RAD50: variants seen among roughly 807,000 people sequenced by gnomAD.
RAD50 encodes RAD50 double strand break repair protein.
A neutral mutation model predicts 168.8 loss-of-function variants in RAD50; 132 were observed. The observed-to-expected ratio is 0.78, with a 90% confidence interval of 0.68 to 0.90. RAD50 has a LOEUF of 0.90. RAD50 is among the 40% of genes least tolerant of loss of function. The probability of loss-of-function intolerance (pLI) is 0.00; values close to 1 mark genes in which losing one functional copy is unlikely to be tolerated. For missense variants in RAD50, 1,347 were observed against 1,534.4 expected (o/e 0.88, Z 2.04); for synonymous variants, 525 against 497.4 (o/e 1.06, Z -0.74).
rs1349388928 is a variant in RAD50, at chr5:132,642,637, T to A, written c.*273T>A. 3 of 507,834 alleles carry A rather than the reference T, an allele frequency of 5.9e-6. No individual in the cohort carries two copies. The highest frequency in any genetic ancestry group is 1.1e-5 in the Non-Finnish European group (3 of 282,074). The allele number at this position is 507,834 out of a possible 1,614,324, so 31.5% of individuals were successfully genotyped here. The stretch of plus-strand genomic sequence containing the variant: ...TTCAGCAGTACAGCCGAGACTCGAC[T>A]CTGTGCCTCCCTCCCCAGTGCAAAT... On this transcript the variant is annotated 3_prime_UTR_variant, in exon 25 of 25. Coordinates refer to ENST00000378823, the MANE Select transcript of RAD50 (RefSeq NM_005732.4).
Position 132,587,627 on chromosome 5 carries a change from C to G in RAD50, c.822C>G (p.Ala274=), listed in dbSNP as rs876660799. 1 of 1,613,488 alleles carries G rather than the reference C, an allele frequency of 6.2e-7. No homozygotes were observed. Among genetic ancestry groups the G allele is most frequent in the Non-Finnish European group, 8.5e-7 (1 of 1,179,848 alleles). The change falls in exon 6 of 25, where the codon GCC becomes GCG. Residue 274 remains alanine (A), a synonymous_variant. Coordinates refer to ENST00000378823, the MANE Select transcript of RAD50 (RefSeq NM_005732.4). ...TGAAACTTGACAATGAAATTAAAGC[C>G]TTGGATAGCCGAAAGAAGCAAATGG... ...KIMKLDNEIK[A]LDSRKKQMEK...
rs901214296 is a variant in RAD50 at position 132,643,092 on chromosome 5, C to G, written c.*728C>G. ...TTTGGAAAGCTCTGACCACTTGAGG[C>G]CTGATCTGCCCATCGTGAAGAAGCC... On this transcript the variant is annotated 3_prime_UTR_variant, in exon 25 of 25. Coordinates refer to ENST00000378823, the MANE Select transcript of RAD50 (RefSeq NM_005732.4). 5.7e-6 allele frequency: 3 copies of G among 529,024 alleles called. No homozygotes were observed. The highest frequency in any genetic ancestry group is 1.1e-5 in the Non-Finnish European group (3 of 262,368). The allele number at this position is 529,024 out of a possible 1,614,324, so 32.8% of individuals were successfully genotyped here. A position where few individuals can be genotyped will look rare whatever the true frequency, so the allele number is the denominator to read the frequency against.
At chr5:132,598,192 C>T (rs187333944) in intron 13 of RAD50, among the ~76,000 whole-genome samples, 14 of 152,046 alleles carry the variant, frequency 9.2e-5, no homozygotes, top group East Asian at 1.9e-4. Flanking sequence ...GGATTACAGG[C>T]GCACGTCACC....
chr5:132,580,988 A>T (rs1296237531), intron 5 of RAD50, among the ~76,000 whole-genome samples: 2 of 152,194 alleles, frequency 1.3e-5, no homozygotes, highest in Non-Finnish European at 2.9e-5. Flanking sequence ...ATGGCCATGC[A>T]TAGAAATATA....
At chr5:132,601,699 C>T (rs1330632119) in intron 13 of RAD50, among the ~76,000 whole-genome samples, 1 of 152,066 alleles carries the variant, frequency 6.6e-6, no homozygotes, top group Admixed American at 6.5e-5. Flanking sequence ...CGGCACTGTT[C>T]ACGATAGCAA....
chr5:132,614,893 A>G lies in RAD50; in HGVS notation c.3037-1110A>G, dbSNP rs561048535. 2.0e-5 allele frequency among the ~76,000 whole-genome samples: 3 copies of G among 152,244 alleles called. No homozygotes were observed. The South Asian group carries it at 6.2e-4, about 32-fold the overall frequency. On this transcript the variant is annotated intron_variant, in intron 19 of 24. Transcript: ENST00000378823. ...GCAGGATTGGATATGAACATTAAGC[A>G]TGTGAGAGAAATCCTTGATTTCCCT...
In RAD50 at chr5:132,645,678, G is replaced by GT. The variant is rs1751834018; in HGVS notation, c.*3315dup. The GT allele has an allele frequency of 6.6e-6, 1 of 152,224 alleles. No individual in the cohort carries two copies. The highest frequency in any genetic ancestry group is 1.5e-5 in the Non-Finnish European group (1 of 68,042). 9.4% of individuals were successfully genotyped at this position (152,224 alleles called of 1,614,324 possible). A position where few individuals can be genotyped will look rare whatever the true frequency, so the allele number is the denominator to read the frequency against. ...AAAGTTTACTATTAAGCCAGCTACG[G>GT]TAAGTGGGCAATTAGAGTTTGGTGC... On this transcript the variant is annotated 3_prime_UTR_variant, in exon 25 of 25. Coordinates refer to ENST00000378823, the MANE Select transcript of RAD50 (RefSeq NM_005732.4).
intron 16 of RAD50, among the ~76,000 whole-genome samples, chr5:132,606,859 A>T (rs533305622): frequency 2.0e-5 from 3 of 152,204 alleles, no homozygotes; most frequent in Non-Finnish European, 4.4e-5. Flanking sequence ...ACAGAACCAA[A>T]GACAAAAACC....
At chr5:132,635,726 G>A (rs904488699) in intron 21 of RAD50, among the ~76,000 whole-genome samples, 5 of 152,084 alleles carry the variant, frequency 3.3e-5, no homozygotes, top group African/African-American at 9.7e-5. Flanking sequence ...TTTTTTTAAT[G>A]TCATTTGAAA....
chr5:132,561,280 T>C (rs945340802), intron 2 of RAD50, among the ~76,000 whole-genome samples: 19 of 152,232 alleles, frequency 1.2e-4, no homozygotes, highest in Middle Eastern at 3.4e-3. Context: ...CTGCAACCTC[T>C]GTCTCTCAGG....
chr5:132,592,725 C>T, intron 11 of RAD50: 1 of 431,590 alleles, frequency 2.3e-6, no homozygotes, highest in Non-Finnish European at 4.9e-6. Context: ...CCACTTCCAC[C>T]ACTTGTTAGC....
At chr5:132,570,528 T>G (rs1365663881) in intron 2 of RAD50, among the ~76,000 whole-genome samples, 4 of 152,252 alleles carry the variant, frequency 2.6e-5, no homozygotes, top group Admixed American at 1.3e-4. Flanking sequence ...TTTTATGTTG[T>G]GGAGACAGCT....
chr5:132,592,698 C>T (rs1750724989), intron 11 of RAD50: 1 of 388,664 alleles, frequency 2.6e-6, no homozygotes, highest in Non-Finnish European at 5.4e-6. Context: ...ATCTGGTCTG[C>T]TTTTGCTTTG....
chr5:132,565,374 A>G (rs1342616455), intron 2 of RAD50, among the ~76,000 whole-genome samples: 2 of 152,038 alleles, frequency 1.3e-5, no homozygotes, highest in Non-Finnish European at 2.9e-5. Context: ...CCTGTATGTA[A>G]TCAATGTCTC....
intron 21 of RAD50, among the ~76,000 whole-genome samples, chr5:132,631,450 AATC>A (rs1404032246): frequency 1.3e-5 from 2 of 152,128 alleles, no homozygotes; most frequent in Non-Finnish European, 2.9e-5. Flanking sequence ...TTCACAAAGA[AATC>A]ATACTACTTC....
chr5:132,600,311 GA>G (rs1394342004), intron 13 of RAD50, among the ~76,000 whole-genome samples: 1 of 152,184 alleles, frequency 6.6e-6, no homozygotes, highest in Non-Finnish European at 1.5e-5. Flanking sequence ...AGGGTGGTAG[GA>G]GGGGACTTGA....
chr5:132,629,479 T>G (rs1751426060), intron 21 of RAD50, among the ~76,000 whole-genome samples: 1 of 152,126 alleles, frequency 6.6e-6, no homozygotes, highest in Admixed American at 6.6e-5. Flanking sequence ...TTCTAGCAAT[T>G]TAGGCTTGTT....
At chr5:132,602,138 ATAAT>A (rs1171438689) in intron 13 of RAD50, among the ~76,000 whole-genome samples, 1 of 152,274 alleles carries the variant, frequency 6.6e-6, no homozygotes, top group East Asian at 1.9e-4. Context: ...AAATAAATAA[ATAAT>A]TAAAAAATTT....
chr5:132,609,059 C>T (rs377287437), intron 17 of RAD50, 58 bp from the exon 18 acceptor site: 17 of 1,598,354 alleles, frequency 1.1e-5, no homozygotes, highest in Admixed American at 1.7e-5. Flanking sequence ...TTACTGTGCT[C>T]TCCTGTTATG....
Sources: allele counts gnomAD v4.1 joint callset (sites outside exome capture counted in the v4.1 genomes callset), GRCh38; gene constraint gnomAD v4.1.1; transcripts MANE v1.5; gene names NCBI Gene and HGNC (gene_info 2026-07-23, HGNC 2026-07-21).